EML1: variants seen among roughly 807,000 people sequenced by gnomAD.
EML1 encodes EMAP like 1, also known as echinoderm microtubule-associated protein-like 1.
A neutral mutation model predicts 110.4 loss-of-function variants in EML1; 27 were observed. The observed-to-expected ratio is 0.24, with a 90% CI of 0.18 to 0.34. The LOEUF is 0.34. EML1 is among the 10% of genes least tolerant of loss of function. EML1 has a pLI of 1.00. For missense variants in EML1, 741 were observed against 1,030.9 expected (o/e 0.72, Z 3.85); for synonymous variants, 344 against 385.8 (o/e 0.89, Z 1.27).
chr14:99,788,012 T>A (rs2057618992), intron 1 of EML1, among the ~76,000 whole-genome samples: 1 of 152,176 alleles, frequency 6.6e-6, no homozygotes. Context: ...GGTCAACTTT[T>A]CTCTGCTCTT....
chr14:99,737,730 C>A, exon 1 of EML1: 4 of 1,210,520 alleles, frequency 3.3e-6, no homozygotes, highest in Non-Finnish European at 4.3e-6. Flanking sequence ...CTGCCTGGGG[C>A]TGGACGCGGA....
At chr14:99,912,410 G>A (rs763755150) in intron 13 of EML1, among the ~76,000 whole-genome samples, 11 of 152,092 alleles carry the variant, frequency 7.2e-5, no homozygotes, top group Admixed American at 2.0e-4. Flanking sequence ...TGCCCACTCA[G>A]TGAATTTTCT....
chr14:99,740,973 G>C (rs895118632), intron 1 of EML1, among the ~76,000 whole-genome samples: 2 of 152,176 alleles, frequency 1.3e-5, no homozygotes, highest in Non-Finnish European at 1.5e-5. Flanking sequence ...GCTGTAAGCT[G>C]CACCCATGCT....
At chr14:99,759,081 C>G (rs541665176) in intron 1 of EML1, among the ~76,000 whole-genome samples, 3 of 152,314 alleles carry the variant, frequency 2.0e-5, no homozygotes, top group Non-Finnish European at 4.4e-5. Context: ...TTTACATGTT[C>G]CTCCAAATCA....
At chr14:99,863,612 C>G (rs745368137) in intron 2 of EML1, among the ~76,000 whole-genome samples, 1 of 152,172 alleles carries the variant, frequency 6.6e-6, no homozygotes, top group African/African-American at 2.4e-5. Flanking sequence ...CAACATGGAG[C>G]CTCTCAGACT....
chr14:99,800,512 C>T (rs2057855834), intron 1 of EML1, among the ~76,000 whole-genome samples: 1 of 152,092 alleles, frequency 6.6e-6, no homozygotes, highest in Admixed American at 6.5e-5. Flanking sequence ...TAGGCATGCG[C>T]CACCACACCT....
At chr14:99,831,651 A>G (rs973137592) in intron 1 of EML1, among the ~76,000 whole-genome samples, 6 of 152,186 alleles carry the variant, frequency 3.9e-5, no homozygotes, top group African/African-American at 1.2e-4. Flanking sequence ...TAAGAAAAAA[A>G]ATCTGCTGCA....
At chr14:99,879,024 A>G (rs1273822358) in intron 4 of EML1, among the ~76,000 whole-genome samples, 1 of 152,212 alleles carries the variant, frequency 6.6e-6, no homozygotes, top group Non-Finnish European at 1.5e-5. Context: ...GTATTTTCTG[A>G]GACACAGTGG....
intron 17 of EML1, among the ~76,000 whole-genome samples, chr14:99,925,837 C>T (rs769740505): frequency 1.2e-4 from 18 of 152,310 alleles, no homozygotes; most frequent in Middle Eastern, 3.4e-3. Flanking sequence ...GCCAGGAATG[C>T]GCTCACCCAT....
At chr14:99,755,279 GGCCTGGAGGCCCCGGGGA>G (rs1358322673) in intron 1 of EML1, among the ~76,000 whole-genome samples, 4 of 152,232 alleles carry the variant, frequency 2.6e-5, no homozygotes, top group African/African-American at 9.6e-5. Context: ...CAGCCTTGGG[GGCCTGGAGGCCCCGGGGA>G]GCCTGGGGCT....
rs539949015 is a variant in EML1 at position 99,775,560 on chromosome 14, C to A, written c.-27+1547C>A. ...ATGGACGTGACAGATCCCACGCCAG[C>A]AAGGTTGATCTGGCACCATGATGGC... On this transcript the variant is annotated intron_variant, in intron 1 of 22. Coordinates refer to the EML1 transcript ENST00000327921. Among the ~76,000 whole-genome samples the A allele has an allele frequency of 1.0e-3, 159 of 152,326 alleles. 1 individual carries two copies. Among genetic ancestry groups the A allele is most frequent in the African/African-American group, 3.7e-3 (154 of 41,574 alleles).
intron 1 of EML1, among the ~76,000 whole-genome samples, chr14:99,848,643 A>G (rs1277554600): frequency 2.0e-5 from 3 of 152,172 alleles, no homozygotes; most frequent in Non-Finnish European, 2.9e-5. Flanking sequence ...ATCCTGTAAG[A>G]CAATATTTTA....
intron 1 of EML1, among the ~76,000 whole-genome samples, chr14:99,754,662 T>C (rs1308412501): frequency 1.3e-5 from 2 of 152,094 alleles, no homozygotes; most frequent in African/African-American, 4.8e-5. Flanking sequence ...GACAAATGAG[T>C]CAGCTTGGCA....
At chr14:99,754,148 T>G (rs1173107058) in intron 1 of EML1, among the ~76,000 whole-genome samples, 1 of 152,238 alleles carries the variant, frequency 6.6e-6, no homozygotes, top group East Asian at 1.9e-4. Flanking sequence ...AACCCTGGGT[T>G]GCGAGGACAC....
chr14:99,810,587 C>T (rs1211355324), intron 1 of EML1, among the ~76,000 whole-genome samples: 3 of 152,114 alleles, frequency 2.0e-5, no homozygotes, highest in East Asian at 1.9e-4. Flanking sequence ...TTTGTTAAGA[C>T]TCAGCTATTT....
chr14:99,829,573 A>G (rs962791103), intron 1 of EML1, among the ~76,000 whole-genome samples: 14 of 152,188 alleles, frequency 9.2e-5, no homozygotes, highest in Non-Finnish European at 1.5e-4. Flanking sequence ...CTCTACTTCA[A>G]AAATTTTCAT....
intron 1 of EML1, among the ~76,000 whole-genome samples, chr14:99,751,532 G>A (rs1288767436): frequency 6.6e-6 from 1 of 152,112 alleles, no homozygotes; most frequent in African/African-American, 2.4e-5. Flanking sequence ...TAAATACAAA[G>A]CCCATAGTGT....
chr14:99,810,476 CATAGATGAGGAA>C (rs1828285933), intron 1 of EML1, among the ~76,000 whole-genome samples: 1 of 152,234 alleles, frequency 6.6e-6, no homozygotes, highest in Non-Finnish European at 1.5e-5. Context: ...TGGCCCTTTT[CATAGATGAGGAA>C]ACTGAGGGCT....
chr14:99,764,046 T>C (rs1467364453), intron 1 of EML1, among the ~76,000 whole-genome samples: 1 of 152,174 alleles, frequency 6.6e-6, no homozygotes, highest in African/African-American at 2.4e-5. Flanking sequence ...GAGGAGACAG[T>C]TGGCTGCAGG....
Sources: gnomAD v4.1 joint callset for allele counts (sites outside exome capture counted in the v4.1 genomes callset) on GRCh38, gnomAD v4.1.1 for gene constraint, MANE v1.5 for transcripts, NCBI Gene and HGNC (gene_info 2026-07-23, HGNC 2026-07-21) for gene names.